Variants in ITPR1 observed in about 807,000 individuals in gnomAD.
ITPR1 encodes the protein inositol 1,4,5-trisphosphate receptor type 1.
In ITPR1, 96 loss-of-function variants were observed where a neutral mutation model predicts 318.4. The observed-to-expected ratio is 0.30, with a 90% CI of 0.26 to 0.36. The LOEUF is 0.36. Among genes scored for constraint, ITPR1 ranks in the 10% least tolerant of loss-of-function variants. The probability of loss-of-function intolerance (pLI) is 1.00; values close to 1 mark genes in which losing one functional copy is unlikely to be tolerated. For missense variants in ITPR1, 2,440 were observed against 3,460.2 expected (o/e 0.71, Z 7.40); for synonymous variants, 1,312 against 1,289.9 (o/e 1.02, Z -0.37).
At chr3:4,565,401 G>C (rs4684420) in intron 4 of ITPR1, among the ~76,000 whole-genome samples, 1 of 152,056 alleles carries the variant, frequency 6.6e-6, no homozygotes, top group Non-Finnish European at 1.5e-5. Flanking sequence ...TCTACCACCT[G>C]GTCCATTCAA....
intron 5 of ITPR1, among the ~76,000 whole-genome samples, chr3:4,628,925 A>G (rs1408361113): frequency 1.3e-5 from 2 of 152,244 alleles, no homozygotes; most frequent in African/African-American, 4.8e-5. Context: ...GCGTATGGCT[A>G]AGTCACAGCC....
intron 47 of ITPR1, among the ~76,000 whole-genome samples, chr3:4,776,037 G>T (rs569628612): frequency 2.4e-4 from 36 of 152,264 alleles, no homozygotes; most frequent in Admixed American, 1.0e-3. Flanking sequence ...GCATCTTAAG[G>T]ATTTTGTGAG....
rs1168610630 is a variant in ITPR1, at chr3:4,814,556, C to T, written c.7695C>T (p.Ser2565=). The change falls in exon 58 of 62, where the codon TCC becomes TCT. Residue 2565 remains serine, a synonymous_variant. Coordinates refer to ENST00000649015, the MANE Select transcript of ITPR1 (RefSeq NM_001378452.1). The part of the protein sequence containing the change: ...GGVGDVLRKP[S]KEEPLFAARV... ...TAGGAGATGTACTCAGGAAGCCGTC[C>T]AAAGAGGTAAATTAATCCCGAGGGG... 2.1e-6 allele frequency: 3 copies of T among 1,429,818 alleles called. No individual in the cohort carries two copies. The Admixed American group carries it at 6.1e-5, about 29-fold the overall frequency. 88.6% of individuals were successfully genotyped at this position (1,429,818 alleles called of 1,614,324 possible).
chr3:4,535,012 A>G (rs2083732120), intron 4 of ITPR1, among the ~76,000 whole-genome samples: 1 of 152,242 alleles, frequency 6.6e-6, no homozygotes, highest in Non-Finnish European at 1.5e-5. Context: ...ATACAGTTAG[A>G]AAGAACCAGC....
intron 4 of ITPR1, among the ~76,000 whole-genome samples, chr3:4,535,442 A>ATTTTTTTTTTTTTTTTTTTTTTTATTT (rs34152018): frequency 1.1e-4 from 11 of 100,992 alleles, no homozygotes; most frequent in East Asian, 3.0e-4. Context: ...TTTTTTTTTA[A>ATTTTTTTTTTTTTTTTTTTTTTTATTT]TTTTTTTTTT....
At chr3:4,730,650 A>G (rs1422154604) in intron 42 of ITPR1, among the ~76,000 whole-genome samples, 2 of 151,992 alleles carry the variant, frequency 1.3e-5, no homozygotes, top group Non-Finnish European at 2.9e-5. Flanking sequence ...TTGATTGCAG[A>G]CTGACCAGGG....
Position 4,779,570 on chromosome 3 carries a change from C to T in ITPR1, c.6312C>T (p.Leu2104=). The part of the protein sequence containing the change: ...LELKNNASKL[L]LAIMESRHDS... ...ACTAGAACAATGCCTCGAAGTTGCT[C>T]CTGGCCATCATGGAAAGCAGGCACG... Residue 2104 remains leucine, a synonymous_variant, in exon 49 of 62, where the codon CTC becomes CTT. Transcript: ENST00000649015. The surrounding 1 kb of genome is among the most constrained non-coding windows in gnomAD (Gnocchi z 4.0). The T allele has an allele frequency of 6.2e-7, 1 of 1,612,428 alleles. No homozygotes were observed. Among genetic ancestry groups the T allele is most frequent in the Non-Finnish European group, 8.5e-7 (1 of 1,178,864 alleles).
intron 2 of ITPR1, among the ~76,000 whole-genome samples, chr3:4,498,440 A>G (rs765881018): frequency 1.1e-4 from 16 of 152,082 alleles, no homozygotes; most frequent in Non-Finnish European, 1.8e-4. Flanking sequence ...GCCAGGGGAG[A>G]GTGCTAGGAG....
In ITPR1 at chr3:4,613,728, A is replaced by G. The variant is rs115716857; in HGVS notation, c.164-14035A>G. On this transcript the variant is annotated intron_variant, in intron 4 of 61. Coordinates refer to ENST00000649015, the MANE Select transcript of ITPR1 (RefSeq NM_001378452.1). ...ATGAAGGGAAAATTTGTTTTCCATT[A>G]TCAGCAGGATCATCCTTCTTTTCAT... is the stretch of plus-strand genomic sequence containing the variant. Among the ~76,000 whole-genome samples the G allele has an allele frequency of 5.9e-3, 900 of 152,322 alleles. 11 individuals are homozygous for G. Among genetic ancestry groups the G allele is most frequent in the African/African-American group, 0.021 (860 of 41,564 alleles).
intron 44 of ITPR1, among the ~76,000 whole-genome samples, chr3:4,747,760 G>A (rs2125339644): frequency 6.6e-6 from 1 of 152,204 alleles, no homozygotes; most frequent in East Asian, 1.9e-4. Context: ...GTTAATGACA[G>A]GAAGACTGTC....
At chr3:4,784,724 T>TAAAAA (rs2047067176) in intron 51 of ITPR1, among the ~76,000 whole-genome samples, 1 of 19,880 alleles carries the variant, frequency 5.0e-5, no homozygotes. Flanking sequence ...CCACTAAAAA[T>TAAAAA]ACAAAAAAAA....
chr3:4,494,730 G>A (rs1443629980), intron 2 of ITPR1, among the ~76,000 whole-genome samples: 1 of 152,176 alleles, frequency 6.6e-6, no homozygotes, highest in Non-Finnish European at 1.5e-5. Flanking sequence ...GAGCCTGAAA[G>A]TTTATGAGAG....
chr3:4,779,576 C>T lies in ITPR1; in HGVS notation c.6318C>T (p.Ala2106=). The change falls in exon 49 of 62, where the codon GCC becomes GCT. Residue 2106 remains alanine (A), a synonymous_variant. Coordinates refer to ENST00000649015, the MANE Select transcript of ITPR1 (RefSeq NM_001378452.1). This position sits in a 1 kb window ranked among gnomAD's most constrained non-coding sequence, Gnocchi z 4.0. ...LKNNASKLLL[A]IMESRHDSEN... ...ACAATGCCTCGAAGTTGCTCCTGGC[C>T]ATCATGGAAAGCAGGCACGACAGTG... 5 of 1,612,566 alleles carry T rather than the reference C, an allele frequency of 3.1e-6. No homozygotes were observed. The highest frequency in any genetic ancestry group is 1.1e-5 in the South Asian group (1 of 91,026).
At chr3:4,578,923 G>T (rs139253749) in intron 4 of ITPR1, among the ~76,000 whole-genome samples, 31 of 152,324 alleles carry the variant, frequency 2.0e-4, no homozygotes, top group African/African-American at 7.5e-4. Context: ...CAGGGTCAAG[G>T]CATCTTTTGT....
chr3:4,525,524 G>T (rs1032332130), intron 4 of ITPR1, among the ~76,000 whole-genome samples: 2 of 152,172 alleles, frequency 1.3e-5, no homozygotes, highest in Admixed American at 1.3e-4. Flanking sequence ...AAGGTTGGCT[G>T]CACATCTGTT....
chr3:4,676,896 G>T, intron 24 of ITPR1, 95 bp downstream of exon 24: 1 of 928,068 alleles, frequency 1.1e-6, no homozygotes, highest in South Asian at 1.7e-5. Flanking sequence ...AGGCTTTCTG[G>T]GAAGAAAATG....
chr3:4,549,332 G>T (rs1314556898), intron 4 of ITPR1, among the ~76,000 whole-genome samples: 1 of 152,194 alleles, frequency 6.6e-6, no homozygotes, highest in East Asian at 1.9e-4. Flanking sequence ...GGTTTAAGCA[G>T]AGGGGCCTGA....
intron 40 of ITPR1, chr3:4,724,369 G>C (rs1186285500): frequency 2.0e-5 from 3 of 152,342 alleles, no homozygotes; most frequent in East Asian, 3.9e-4. Flanking sequence ...ACTATCAAAA[G>C]GGTAATGTTG....
chr3:4,578,331 C>T (rs1393438525), intron 4 of ITPR1, among the ~76,000 whole-genome samples: 3 of 151,836 alleles, frequency 2.0e-5, no homozygotes, highest in Non-Finnish European at 4.4e-5. Context: ...TTTTGAGTGA[C>T]AGTATCAGAG....
Sources: gnomAD v4.1 joint callset for allele counts (sites outside exome capture counted in the v4.1 genomes callset) on GRCh38, gnomAD v4.1.1 for gene constraint, Gnocchi (gnomAD v3.1) non-coding constraint, MANE v1.5 for transcripts, NCBI Gene and HGNC (gene_info 2026-07-23, HGNC 2026-07-21) for gene names.